Variants in SLC4A10 observed in about 807,000 individuals in gnomAD.
SLC4A10 encodes the protein sodium-driven chloride bicarbonate exchanger.
SLC4A10 carries 42 observed loss-of-function variants against 137.7 expected under a neutral mutation model. The ratio of observed to expected loss-of-function variants is 0.30; its 90% CI spans 0.24 to 0.39. SLC4A10 has a LOEUF of 0.39. SLC4A10 is among the 10% of genes least tolerant of loss of function. The pLI is 1.00. For synonymous variants in SLC4A10, 474 were observed against 464.1 expected (o/e 1.02, Z -0.27); for missense variants, 925 against 1,355.0 (o/e 0.68, Z 4.98).
intron 6 of SLC4A10, among the ~76,000 whole-genome samples, chr2:161,869,943 G>A (rs2061006761): frequency 6.6e-6 from 1 of 151,436 alleles, no homozygotes; most frequent in Admixed American, 6.6e-5. Flanking sequence ...TCTAGGACTA[G>A]CAAGAAGTTT....
chr2:161,638,441 G>A (rs745893366), intron 1 of SLC4A10, among the ~76,000 whole-genome samples: 31 of 152,052 alleles, frequency 2.0e-4, no homozygotes, highest in Admixed American at 1.3e-4. Context: ...CTGTAAATAC[G>A]TGGATTTGTT....
intron 1 of SLC4A10, among the ~76,000 whole-genome samples, chr2:161,639,823 G>A (rs918727099): frequency 2.0e-5 from 3 of 152,138 alleles, no homozygotes; most frequent in African/African-American, 7.2e-5. Context: ...GAAATGAGAA[G>A]TCAAAACTTG....
intron 15 of SLC4A10, among the ~76,000 whole-genome samples, chr2:161,908,962 C>CT (rs768529286): frequency 6.6e-6 from 1 of 150,774 alleles, no homozygotes; most frequent in Non-Finnish European, 1.5e-5. Context: ...GCTAAAATAG[C>CT]TTTATGTGGC....
intron 1 of SLC4A10, among the ~76,000 whole-genome samples, chr2:161,699,263 G>C (rs1574429439): frequency 6.6e-6 from 1 of 152,078 alleles, no homozygotes; most frequent in East Asian, 1.9e-4. Flanking sequence ...CTCGTGATCT[G>C]TCGGCCTCGG....
chr2:161,913,065 T>G (rs1028972908), intron 15 of SLC4A10, among the ~76,000 whole-genome samples: 8 of 152,162 alleles, frequency 5.3e-5, no homozygotes, highest in Non-Finnish European at 4.4e-5. Flanking sequence ...AGTGAGCTAA[T>G]GAAACAGATT....
At chr2:161,922,933 TA>T (rs1320821697) in intron 15 of SLC4A10, among the ~76,000 whole-genome samples, 1 of 152,142 alleles carries the variant, frequency 6.6e-6, no homozygotes, top group East Asian at 1.9e-4. Context: ...TCACAAACCA[TA>T]ACTGTTTAGT....
At chr2:161,639,342 A>G (rs1270400631) in intron 1 of SLC4A10, among the ~76,000 whole-genome samples, 2 of 152,152 alleles carry the variant, frequency 1.3e-5, no homozygotes, top group African/African-American at 4.8e-5. Context: ...ACTACAGACC[A>G]ATATCCCTGA....
intron 1 of SLC4A10, among the ~76,000 whole-genome samples, chr2:161,748,642 C>T (rs116621481): frequency 1.1e-3 from 171 of 152,120 alleles, no homozygotes; most frequent in Non-Finnish European, 1.9e-3. Context: ...TGATACATGT[C>T]TGTTTTTGTG....
chr2:161,967,628 A>T (rs1330087554), intron 23 of SLC4A10, among the ~76,000 whole-genome samples: 1 of 152,154 alleles, frequency 6.6e-6, no homozygotes, highest in Admixed American at 6.5e-5. Flanking sequence ...CTCACCAGAA[A>T]TTTGGTAATT....
At chr2:161,733,794 C>A (rs1392829498) in intron 1 of SLC4A10, among the ~76,000 whole-genome samples, 1 of 152,210 alleles carries the variant, frequency 6.6e-6, no homozygotes, top group Non-Finnish European at 1.5e-5. Context: ...CTGTACCCTG[C>A]AAAGCCACAG....
intron 1 of SLC4A10, among the ~76,000 whole-genome samples, chr2:161,627,081 G>A (rs1320750422): frequency 6.6e-6 from 1 of 152,054 alleles, no homozygotes; most frequent in African/African-American, 2.4e-5. Context: ...CTTGAGTTTT[G>A]GAATCAGTTA....
rs142499016 is a variant in SLC4A10, at chr2:161,862,774, A to C, written c.578-100A>C. 46 of 848,902 alleles carry C rather than the reference A, an allele frequency of 5.4e-5. 1 individual carries two copies. The East Asian group carries it at 1.4e-3, about 26-fold the overall frequency. The allele number at this position is 848,902 out of a possible 1,614,324, so 52.6% of individuals were successfully genotyped here. On this transcript the variant is annotated intron_variant, in intron 5 of 26. Transcript: ENST00000446997. ...AAGTTATTTCTATTTCAAGATGAAT[A>C]ATATTGTTTAGGGCTTGCATATTTG...
chr2:161,677,488 T>C (rs2040394741), intron 1 of SLC4A10, among the ~76,000 whole-genome samples: 1 of 152,192 alleles, frequency 6.6e-6, no homozygotes, highest in Admixed American at 6.6e-5. Context: ...TAACAAGATA[T>C]CTTATTCTTG....
intron 6 of SLC4A10, among the ~76,000 whole-genome samples, chr2:161,869,874 T>TAG (rs2061000565): frequency 6.6e-6 from 1 of 151,516 alleles, no homozygotes; most frequent in African/African-American, 2.4e-5. Context: ...GTCTATGTCA[T>TAG]AGGCTAGTAG....
chr2:161,695,215 T>C (rs2042368692), intron 1 of SLC4A10, among the ~76,000 whole-genome samples: 2 of 152,070 alleles, frequency 1.3e-5, no homozygotes, highest in South Asian at 4.1e-4. Context: ...TCTGTGTTTC[T>C]GAAGTTTTCT....
At chr2:161,905,918 G>C in intron 15 of SLC4A10, 31 bp downstream of exon 15, 1 of 1,547,806 alleles carries the variant, frequency 6.5e-7, no homozygotes, top group South Asian at 1.3e-5. Flanking sequence ...TGGCCTTGGG[G>C]CTTTTCTTTT....
rs1710513 is a variant in SLC4A10 at position 161,830,659 on chromosome 2, A to T, written c.278-9130A>T. On this transcript the variant is annotated intron_variant, in intron 3 of 26. Transcript: ENST00000446997. ...AGTTCATACAACAAGATAAAATTTT[A>T]AAAAAAAGCCAAAAGTGTACAAAAT... Among the ~76,000 whole-genome samples the T allele has an allele frequency of 4.4e-3, 666 of 151,548 alleles. 4 individuals carry two copies. Among genetic ancestry groups the T allele is most frequent in the African/African-American group, 0.014 (558 of 40,986 alleles).
chr2:161,869,620 G>A (rs993595532), intron 6 of SLC4A10, among the ~76,000 whole-genome samples: 2 of 151,148 alleles, frequency 1.3e-5, no homozygotes, highest in Admixed American at 6.6e-5. Context: ...TCTATACATC[G>A]TTCTATATAC....
At position 161,964,204 on chromosome 2, in the gene SLC4A10, G is replaced by A. The variant is rs1438490047; in HGVS notation, c.2932G>A (p.Val978Ile). 3.7e-6 allele frequency: 6 copies of A among 1,613,258 alleles called. No homozygotes were observed. Among genetic ancestry groups the A allele is most frequent in the East Asian group, 2.2e-5 (1 of 44,854 alleles). Residue 978 changes from valine to isoleucine, a missense_variant, in exon 22 of 27, where the codon GTA (valine) becomes ATA (isoleucine). Physicochemically the swap from Val to Ile is conservative, Grantham distance 29. Around this residue, in one of 11 missense-constraint regions of SLC4A10, gnomAD observed 115 missense variants for 237.5 expected, o/e 0.48. Coordinates refer to ENST00000446997, the MANE Select transcript of SLC4A10 (RefSeq NM_001178015.2). ...HQPDFIYLRH[V>I]PLRKVHLFTI... ...ACCAGATTTTATATACCTAAGGCAC[G>A]TACCGCTTCGAAAAGTGCATCTCTT...
Sources: allele counts gnomAD v4.1 joint callset (sites outside exome capture counted in the v4.1 genomes callset), GRCh38; gene constraint gnomAD v4.1.1; regional missense constraint gnomAD v4.1.1; transcripts MANE v1.5; gene names NCBI Gene and HGNC (gene_info 2026-07-23, HGNC 2026-07-21).